Variants in UBE2QL1 observed in about 807,000 individuals in gnomAD.
The protein encoded by UBE2QL1 is ubiquitin conjugating enzyme E2 QL1.
Under a neutral mutation model 12.6 loss-of-function variants are expected in UBE2QL1, and 5 were observed. The ratio of observed to expected loss-of-function variants is 0.40; its 90% CI spans 0.21 to 0.83. The LOEUF (loss-of-function observed/expected upper bound fraction) is 0.83, where lower values mean the gene tolerates loss of function less well. Among genes scored for constraint, UBE2QL1 ranks in the 40% least tolerant of loss-of-function variants. The probability of loss-of-function intolerance (pLI) is 0.37; values close to 1 mark genes in which losing one functional copy is unlikely to be tolerated. For missense variants in UBE2QL1, 99 were observed against 222.6 expected, an observed-to-expected ratio of 0.44 and a Z score of 3.53; for synonymous variants, 96 against 94.5, an observed-to-expected ratio of 1.02 and a Z score of -0.10.
intron 1 of UBE2QL1, among the ~76,000 whole-genome samples, chr5:6,452,496 T>C (rs1020079706): frequency 6.6e-6 from 1 of 152,194 alleles, no homozygotes; most frequent in Non-Finnish European, 1.5e-5. Context: ...TCTGTACTTT[T>C]AGAATGAACT....
chr5:6,458,686 C>T (rs892823317), intron 1 of UBE2QL1, among the ~76,000 whole-genome samples: 1 of 152,112 alleles, frequency 6.6e-6, no homozygotes, highest in Admixed American at 6.6e-5. Flanking sequence ...GTGCTGGAGT[C>T]CCTCATGATT....
At chr5:6,457,420 C>T (rs1739549901) in intron 1 of UBE2QL1, among the ~76,000 whole-genome samples, 1 of 152,162 alleles carries the variant, frequency 6.6e-6, no homozygotes, top group Non-Finnish European at 1.5e-5. Flanking sequence ...GCTTATCCTG[C>T]CAGTTTACAT....
At chr5:6,462,836 G>A (rs1024223354) in intron 1 of UBE2QL1, among the ~76,000 whole-genome samples, 1 of 152,194 alleles carries the variant, frequency 6.6e-6, no homozygotes, top group East Asian at 1.9e-4. Flanking sequence ...TGCAGGAAAA[G>A]GAATCTGACA....
intron 1 of UBE2QL1, among the ~76,000 whole-genome samples, chr5:6,484,603 C>T (rs546646410): frequency 6.6e-6 from 1 of 152,150 alleles, no homozygotes; most frequent in East Asian, 1.9e-4. Context: ...ACATCAGAGT[C>T]GAGCTGAGCA....
rs1049848672 is a variant in UBE2QL1 at position 6,475,412 on chromosome 5, T to C, written c.355-15806T>C. The stretch of plus-strand genomic sequence containing the variant: ...TTTTCCACAGAGATCCCGAATTTGC[T>C]TTGTCTACACTGACTAAGCTATCTT... On this transcript the variant is annotated intron_variant, in intron 1 of 1. Transcript: ENST00000399816. Among the ~76,000 whole-genome samples the C allele has an allele frequency of 6.4e-5, 4 of 62,796 alleles. No homozygotes were observed. The Admixed American group carries it at 8.7e-4, about 14-fold the overall frequency. 41.2% of individuals were successfully genotyped at this position (62,796 alleles called of 152,430 possible).
chr5:6,462,978 A>G (rs944640148), intron 1 of UBE2QL1, among the ~76,000 whole-genome samples: 6 of 152,256 alleles, frequency 3.9e-5, no homozygotes, highest in East Asian at 1.9e-4. Flanking sequence ...AGCATTTTCC[A>G]TAAGTAAAAG....
At chr5:6,465,271 G>A (rs565292231) in intron 1 of UBE2QL1, among the ~76,000 whole-genome samples, 2 of 152,292 alleles carry the variant, frequency 1.3e-5, no homozygotes, top group Non-Finnish European at 2.9e-5. Context: ...ACAAGCATGA[G>A]CCACCACGCA....
At chr5:6,469,407 A>G (rs1193841662) in intron 1 of UBE2QL1, among the ~76,000 whole-genome samples, 1 of 149,174 alleles carries the variant, frequency 6.7e-6, no homozygotes, top group African/African-American at 2.4e-5. Context: ...ATATATTTAT[A>G]TCTAAATATT....
rs755466089 is a variant in UBE2QL1 at position 6,449,013 on chromosome 5, G to A, written c.120G>A (p.Leu40=). ...ACCAGGTGGACAAGGACTCGGTGCTGTGGCAGGACATGAAGGAGACCAACA... is the reference window on the plus strand; with the variant it reads ...ACCAGGTGGACAAGGACTCGGTGCTATGGCAGGACATGAAGGAGACCAACA... The part of the protein sequence containing the change: ...KLHQVDKDSV[L]WQDMKETNTE... The change falls in exon 1 of 2, where the codon CTG becomes CTA. Residue 40 remains leucine (L), a synonymous_variant. Transcript: ENST00000399816. The A allele has an allele frequency of 3.2e-6, 5 of 1,549,420 alleles. No homozygotes were observed. Among genetic ancestry groups the A allele is most frequent in the Non-Finnish European group, 4.4e-6 (5 of 1,146,076 alleles).
chr5:6,483,484 G>T (rs772953112), intron 1 of UBE2QL1, among the ~76,000 whole-genome samples: 1 of 151,876 alleles, frequency 6.6e-6, no homozygotes, highest in African/African-American at 2.4e-5. Flanking sequence ...TGTGATGCAC[G>T]GCAGGTGTGT....
rs146985549 is a variant in UBE2QL1 at position 6,473,557 on chromosome 5, G to A, written c.355-17661G>A. Among the ~76,000 whole-genome samples the A allele has an allele frequency of 7.2e-5, 11 of 152,358 alleles. No homozygotes were observed. The East Asian group carries it at 2.1e-3, about 29-fold the overall frequency. The stretch of plus-strand genomic sequence containing the variant: ...AGGCAGAAATGTAAGGACCCACATG[G>A]CTATTTGTGGAGCATTAACGCTCTC... On this transcript the variant is annotated intron_variant, in intron 1 of 1. Coordinates refer to ENST00000399816, the MANE Select transcript of UBE2QL1 (RefSeq NM_001145161.3).
intron 1 of UBE2QL1, among the ~76,000 whole-genome samples, chr5:6,483,758 A>AC (rs149768324): frequency 0.012 from 1,853 of 152,292 alleles, 24 homozygotes; most frequent in African/African-American, 0.039. Flanking sequence ...CGTCATTTCC[A>AC]CTAAAGCCAC....
chr5:6,449,454 C>G (rs1449951979), intron 1 of UBE2QL1, among the ~76,000 whole-genome samples: 1 of 152,110 alleles, frequency 6.6e-6, no homozygotes, highest in Non-Finnish European at 1.5e-5. Flanking sequence ...GCTTTCCGTC[C>G]CGTCTCTCCC....
chr5:6,491,077 C>A, intron 1 of UBE2QL1, 141 bp from the exon 2 acceptor site: 2 of 941,750 alleles, frequency 2.1e-6, no homozygotes, highest in Non-Finnish European at 3.1e-6. Flanking sequence ...AGTGAGGCTG[C>A]CCCCACCCTG....
intron 1 of UBE2QL1, among the ~76,000 whole-genome samples, chr5:6,488,148 C>G (rs151117573): frequency 6.6e-6 from 1 of 152,218 alleles, no homozygotes; most frequent in Non-Finnish European, 1.5e-5. Flanking sequence ...TGGCTCATAA[C>G]GGGCTCTGTC....
intron 1 of UBE2QL1, among the ~76,000 whole-genome samples, chr5:6,472,453 C>T (rs1003445004): frequency 6.6e-6 from 1 of 152,158 alleles, no homozygotes; most frequent in Non-Finnish European, 1.5e-5. Context: ...CACCTGGCAT[C>T]GTCCTCCCCT....
rs3073837 is a variant in UBE2QL1 at position 6,453,709 on chromosome 5, G to GCA, written c.354+4485_354+4486dup. Among the ~76,000 whole-genome samples the GCA allele has an allele frequency of 4.2e-3, 639 of 150,534 alleles. 4 individuals are homozygous for GCA. Among genetic ancestry groups the GCA allele is most frequent in the African/African-American group, 0.013 (522 of 40,946 alleles). The stretch of plus-strand genomic sequence containing the variant: ...GGGAAGCACAAGTGCACACACATGT[G>GCA]CACACACACACACACACACACACAG... On this transcript the variant is annotated intron_variant, in intron 1 of 1. Coordinates refer to ENST00000399816, the MANE Select transcript of UBE2QL1 (RefSeq NM_001145161.3).
intron 1 of UBE2QL1, among the ~76,000 whole-genome samples, chr5:6,463,943 A>G (rs753489842): frequency 6.6e-6 from 1 of 151,176 alleles, no homozygotes; most frequent in Non-Finnish European, 1.5e-5. Context: ...GTTATTTTGC[A>G]CCAAATTTTT....
intron 1 of UBE2QL1, among the ~76,000 whole-genome samples, chr5:6,456,190 A>G (rs1046714258): frequency 6.6e-6 from 1 of 152,168 alleles, no homozygotes; most frequent in Non-Finnish European, 1.5e-5. Context: ...AACCCTTCAC[A>G]TTTGCTTTTG....
Sources: allele counts gnomAD v4.1 joint callset (sites outside exome capture counted in the v4.1 genomes callset), GRCh38; gene constraint gnomAD v4.1.1; transcripts MANE v1.5; gene names NCBI Gene and HGNC (gene_info 2026-07-23, HGNC 2026-07-21).